Variants in RNF168 observed in about 807,000 individuals in gnomAD.
RNF168 encodes E3 ubiquitin-protein ligase RNF168.
In RNF168, 34 loss-of-function variants were observed where a neutral mutation model predicts 34.9. The observed-to-expected ratio is 0.97, with a 90% confidence interval of 0.74 to 1.30. The LOEUF (loss-of-function observed/expected upper bound fraction) is 1.30, where lower values mean the gene tolerates loss of function less well. Among genes scored for constraint, RNF168 ranks in the 50% most tolerant of loss-of-function variants. The pLI is 0.00. For missense variants in RNF168, 725 were observed against 682.5 expected, an observed-to-expected ratio of 1.06 and a Z score of -0.69; for synonymous variants, 264 against 254.7, an observed-to-expected ratio of 1.04 and a Z score of -0.35.
At chr3:196,473,332 AG>A (rs1278053459) in intron 5 of RNF168, among the ~76,000 whole-genome samples, 3 of 152,240 alleles carry the variant, frequency 2.0e-5, no homozygotes, top group Non-Finnish European at 4.4e-5. Context: ...GCTTTACAAA[AG>A]GAACAATTTA....
intron 1 of RNF168, among the ~76,000 whole-genome samples, chr3:196,497,480 G>C (rs956951506): frequency 2.6e-5 from 4 of 151,984 alleles, no homozygotes; most frequent in Non-Finnish European, 4.4e-5. Context: ...GACCAGCCTG[G>C]CCAACATGGT....
chr3:196,479,766 A>G (rs538509539), intron 4 of RNF168, among the ~76,000 whole-genome samples: 30 of 151,456 alleles, frequency 2.0e-4, no homozygotes, highest in Admixed American at 1.8e-3. Context: ...ATTTTTTTGT[A>G]TTTTTAGTAG....
chr3:196,488,187 T>A (rs1024683144), intron 2 of RNF168, among the ~76,000 whole-genome samples: 5 of 152,194 alleles, frequency 3.3e-5, no homozygotes, highest in African/African-American at 1.2e-4. Context: ...TACATTAAAA[T>A]TATCCATATT....
chr3:196,491,775 T>C (rs1333283949), intron 1 of RNF168, among the ~76,000 whole-genome samples: 7 of 152,070 alleles, frequency 4.6e-5, no homozygotes, highest in African/African-American at 1.7e-4. Context: ...CATTAAGATA[T>C]ATACACACAC....
Position 196,498,136 on chromosome 3 carries a change from A to G in RNF168, c.301+4737T>C, listed in dbSNP as rs116265808. Among the ~76,000 whole-genome samples the G allele has an allele frequency of 9.0e-3, 1,367 of 152,226 alleles. 12 individuals are homozygous for G. The highest frequency in any genetic ancestry group is 0.03 in the African/African-American group (1,248 of 41,536). On this transcript the variant is annotated intron_variant, in intron 1 of 5. Coordinates refer to ENST00000318037, the MANE Select transcript of RNF168 (RefSeq NM_152617.4). ...GGTGGGATTACAAAATGACACAACC[A>G]CTTTCGAAAAAGATCTGGTAGTTTC...
Position 196,471,539 on chromosome 3 carries a change from G to A in RNF168, c.*280C>T. 5.4e-6 allele frequency: 2 copies of A among 371,584 alleles called. No individual in the cohort carries two copies. The highest frequency in any genetic ancestry group is 1.0e-5 in the Non-Finnish European group (2 of 200,918). 23.0% of individuals were successfully genotyped at this position (371,584 alleles called of 1,614,324 possible). On this transcript the variant is annotated 3_prime_UTR_variant, in exon 6 of 6. Coordinates refer to ENST00000318037, the MANE Select transcript of RNF168 (RefSeq NM_152617.4). ...TTTTGGAAAGACAATGGCACTTGAA[G>A]ATTTCCTGGAGTTGGCCAAAGCTTA...
chr3:196,502,738 T>C (rs986597228), intron 1 of RNF168, 135 bp downstream of exon 1: 1 of 795,054 alleles, frequency 1.3e-6, no homozygotes, highest in Non-Finnish European at 2.2e-6. Context: ...ATAAACCCCC[T>C]AACCTCTGAG....
chr3:196,472,628 C>A lies in RNF168; in HGVS notation c.907G>T (p.Ala303Ser), dbSNP rs1450124110. ...TCATGGTACCATTCGGCACCACAGG[C>A]ACATAACCATGGCATAGGGGACTCT... ...SIESPMPWLC[A>S]CGAEWYHEGN... The change falls in exon 6 of 6, where the codon GCC becomes TCC. Residue 303 changes from alanine to serine, a missense_variant. Coordinates refer to ENST00000318037, the MANE Select transcript of RNF168 (RefSeq NM_152617.4). 6.2e-7 allele frequency: 1 copy of A among 1,613,528 alleles called. No individual in the cohort carries two copies.
At chr3:196,498,290 G>A (rs1380802418) in intron 1 of RNF168, among the ~76,000 whole-genome samples, 1 of 152,008 alleles carries the variant, frequency 6.6e-6, no homozygotes, top group African/African-American at 2.4e-5. Flanking sequence ...CCGAGTGGCT[G>A]GTATTACAGG....
At chr3:196,481,678 C>A (rs1281160477) in intron 4 of RNF168, among the ~76,000 whole-genome samples, 2 of 130,118 alleles carry the variant, frequency 1.5e-5, no homozygotes, top group African/African-American at 2.9e-5. Context: ...ACGTTTTCAG[C>A]TGCGTTTTTT....
At chr3:196,482,497 G>C (rs180875159) in intron 4 of RNF168, among the ~76,000 whole-genome samples, 1 of 152,110 alleles carries the variant, frequency 6.6e-6, no homozygotes, top group African/African-American at 2.4e-5. Context: ...TGCTAATTCC[G>C]TTTAACTTTT....
At chr3:196,473,562 AT>A (rs1732067039) in intron 5 of RNF168, among the ~76,000 whole-genome samples, 1 of 152,232 alleles carries the variant, frequency 6.6e-6, no homozygotes, top group Non-Finnish European at 1.5e-5. Flanking sequence ...ATTTAAAGAT[AT>A]CTGTAACATG....
At position 196,487,745 on chromosome 3, in the gene RNF168, C is replaced by T. The variant is rs554366939; in HGVS notation, c.379-167G>A. Among the ~76,000 whole-genome samples the T allele has an allele frequency of 2.6e-5, 4 of 152,276 alleles. No individual in the cohort carries two copies. In the East Asian group the frequency reaches 7.7e-4, roughly 29 times the overall value. ...GTAGATTCCTGCAAGATAGCTGTCC[C>T]ATCTCAGCCTCCCAAAGCACTGAAA... On this transcript the variant is annotated intron_variant, in intron 2 of 5. Transcript: ENST00000318037.
intron 4 of RNF168, among the ~76,000 whole-genome samples, chr3:196,475,854 ATTTTT>A (rs11436878): frequency 6.9e-6 from 1 of 145,568 alleles, no homozygotes; most frequent in Non-Finnish European, 1.5e-5. Flanking sequence ...CCGGCTAAAT[ATTTTT>A]TTTTCTTTTC....
intron 1 of RNF168, among the ~76,000 whole-genome samples, chr3:196,490,162 A>C (rs1315155596): frequency 6.6e-6 from 1 of 152,166 alleles, no homozygotes; most frequent in Non-Finnish European, 1.5e-5. Context: ...CATCTGCAGG[A>C]CTAGGGAAAC....
rs148632434 is a variant in RNF168, at chr3:196,471,829, C to T, written c.1706G>A (p.Cys569Tyr). The stretch of plus-strand genomic sequence containing the variant: ...TCCCTTTACCAGGCCTTACTTTGTG[C>T]ATCTCTGAAACATCTGAAAAACACT... Reference protein sequence around the residue: ...QKSVFQMFQRCTK With the variant: ...QKSVFQMFQRYTK The change falls in exon 6 of 6, where the codon TGC becomes TAC. Residue 569 changes from cysteine (C) to tyrosine (Y), a missense_variant. Coordinates refer to ENST00000318037, the MANE Select transcript of RNF168 (RefSeq NM_152617.4). 2.9e-5 allele frequency: 47 copies of T among 1,608,722 alleles called. No homozygotes were observed. The highest frequency in any genetic ancestry group is 3.8e-5 in the Non-Finnish European group (45 of 1,175,238).
chr3:196,496,030 T>A (rs1042942375), intron 1 of RNF168, among the ~76,000 whole-genome samples: 1 of 152,214 alleles, frequency 6.6e-6, no homozygotes, highest in Non-Finnish European at 1.5e-5. Flanking sequence ...AATGAGTAGA[T>A]TCACTTTATG....
At position 196,493,547 on chromosome 3, in the gene RNF168, C is replaced by T. The variant is rs1430067226; in HGVS notation, c.302-4864G>A. ...TTTGCTATTTCTTTTTCTTCTTTGA[C>T]GGAGTTTCGCTCTTGTTGCCCAGGC... On this transcript the variant is annotated intron_variant, in intron 1 of 5. Coordinates refer to ENST00000318037, the MANE Select transcript of RNF168 (RefSeq NM_152617.4). Among the ~76,000 whole-genome samples the T allele has an allele frequency of 4.6e-5, 7 of 151,310 alleles. No individual in the cohort carries two copies. In the South Asian group the frequency reaches 6.3e-4, roughly 14 times the overall value.
rs1252649660 is a variant in RNF168, at chr3:196,503,706, C to T, written c.-533G>A. On this transcript the variant is annotated 5_prime_UTR_variant, in exon 1 of 6. Coordinates refer to ENST00000318037, the MANE Select transcript of RNF168 (RefSeq NM_152617.4). ...CGCAGTTTCCCAGAGCTCCGCGCCC[C>T]CGTCCCTCCTACGCAGCCAGAAACC... 5.5e-6 allele frequency: 1 copy of T among 182,290 alleles called. No individual in the cohort carries two copies. The highest frequency in any genetic ancestry group is 1.5e-4 in the East Asian group (1 of 6,682). The allele number at this position is 182,290 out of a possible 1,614,324, so 11.3% of individuals were successfully genotyped here.
Sources: gnomAD v4.1 joint callset for allele counts (sites outside exome capture counted in the v4.1 genomes callset) on GRCh38, gnomAD v4.1.1 for gene constraint, MANE v1.5 for transcripts, NCBI Gene and HGNC (gene_info 2026-07-23, HGNC 2026-07-21) for gene names.